The following MAEA variants were observed in gnomAD, a reference collection of about 807,000 sequenced individuals.
MAEA encodes E3 ubiquitin-protein transferase MAEA.
MAEA carries 22 observed loss-of-function variants against 46.2 expected under a neutral mutation model. The ratio of observed to expected loss-of-function variants is 0.48; its 90% CI spans 0.34 to 0.68. The LOEUF is 0.68. Ranked by LOEUF, MAEA falls within the 30% of genes least tolerant of loss-of-function variation. MAEA has a pLI of 0.01. For missense variants in MAEA, 393 were observed against 558.1 expected (o/e 0.70, Z 2.98); for synonymous variants, 246 against 222.6 (o/e 1.11, Z -0.94).
chr4:1,332,732 A>T, intron 5 of MAEA, 25 bp from the exon 6 acceptor site: 1 of 1,585,700 alleles, frequency 6.3e-7, no homozygotes, highest in East Asian at 2.2e-5. Context: ...CGCAAACTTA[A>T]ATGTGCCAAA....
chr4:1,312,206 C>T (rs1736592126), intron 2 of MAEA, 45 bp downstream of exon 2: 2 of 1,607,002 alleles, frequency 1.2e-6, no homozygotes, highest in Non-Finnish European at 1.7e-6. Context: ...GGCATGGACA[C>T]CCCTTTTGTC....
intron 3 of MAEA, among the ~76,000 whole-genome samples, chr4:1,318,523 G>C (rs922360142): frequency 6.6e-6 from 1 of 152,230 alleles, no homozygotes; most frequent in African/African-American, 2.4e-5. Context: ...AGAGGGCCTG[G>C]AGCTGCTGTG....
intron 1 of MAEA, among the ~76,000 whole-genome samples, chr4:1,294,551 A>AG (rs140392870): frequency 0.089 from 13,512 of 151,892 alleles, 1,272 homozygotes; most frequent in East Asian, 0.42. Flanking sequence ...CGGGCTGCAG[A>AG]GCAGGGCTGC....
At chr4:1,321,677 C>T (rs558629501) in intron 3 of MAEA, among the ~76,000 whole-genome samples, 2 of 152,182 alleles carry the variant, frequency 1.3e-5, no homozygotes, top group South Asian at 2.1e-4. Context: ...TGGGGAAGGT[C>T]GGGAGTCATT....
intron 1 of MAEA, among the ~76,000 whole-genome samples, chr4:1,307,220 A>G (rs1320631609): frequency 1.3e-5 from 2 of 152,216 alleles, no homozygotes; most frequent in Non-Finnish European, 2.9e-5. Context: ...TAGCGTAGAC[A>G]CCGTTCCGTA....
intron 3 of MAEA, among the ~76,000 whole-genome samples, chr4:1,318,194 A>G (rs913475292): frequency 2.6e-5 from 4 of 152,030 alleles, no homozygotes; most frequent in African/African-American, 9.7e-5. Context: ...TTCATAGATG[A>G]CCTAGCCATC....
chr4:1,333,341 CAAAAA>C, intron 6 of MAEA, among the ~76,000 whole-genome samples: 1 of 133,668 alleles, frequency 7.5e-6, no homozygotes, highest in Admixed American at 7.5e-5. Flanking sequence ...ACCTTGTCTC[CAAAAA>C]AAAAAAAAGC....
rs139294232 is a variant in MAEA at position 1,315,399 on chromosome 4, G to A, written c.255G>A (p.Ala85=). Residue 85 remains alanine (A), a splice_region_variant and synonymous_variant, in exon 3 of 9, where the codon GCG becomes GCA. Coordinates refer to ENST00000303400, the MANE Select transcript of MAEA (RefSeq NM_001017405.3). ...VEKLSVLKRK[A]VESIQAEDES... is the part of the protein sequence containing the mutation. ...TGCCTCTGTTGTGTGTGGCTCAGGC[G>A]GTGGAATCCATCCAGGCCGAGGACG... The A allele has an allele frequency of 2.4e-3, 3,821 of 1,613,796 alleles. 8 individuals carry two copies. Among genetic ancestry groups the A allele is most frequent in the Middle Eastern group, 6.9e-3 (42 of 6,062 alleles).
chr4:1,325,043 C>G (rs1032154962), intron 4 of MAEA, among the ~76,000 whole-genome samples: 2 of 152,132 alleles, frequency 1.3e-5, no homozygotes, highest in Admixed American at 6.5e-5. Context: ...CGAAAACATG[C>G]CCGGTACGAG....
intron 1 of MAEA, among the ~76,000 whole-genome samples, chr4:1,290,244 G>C (rs1357318403): frequency 6.6e-6 from 1 of 152,114 alleles, no homozygotes; most frequent in Non-Finnish European, 1.5e-5. Context: ...GACGACTCTG[G>C]CAGCGCTAAG....
chr4:1,325,286 A>G (rs923784282), intron 4 of MAEA, among the ~76,000 whole-genome samples: 1 of 152,218 alleles, frequency 6.6e-6, no homozygotes, highest in African/African-American at 2.4e-5. Context: ...CCCCTGAAGC[A>G]GTGATTTGTT....
chr4:1,329,780 G>A, intron 5 of MAEA: 1 of 985,588 alleles, frequency 1.0e-6, no homozygotes, highest in Non-Finnish European at 1.2e-6. Flanking sequence ...AGAGGGTGTT[G>A]TGTATCACTC....
At position 1,318,591 on chromosome 4, in the gene MAEA, T is replaced by C. The variant is rs190363837; in HGVS notation, c.456+2991T>C. 3.8e-3 allele frequency among the ~76,000 whole-genome samples: 582 copies of C among 152,194 alleles called. 3 individuals carry two copies. Among genetic ancestry groups the C allele is most frequent in the African/African-American group, 0.013 (547 of 41,510 alleles). On this transcript the variant is annotated intron_variant, in intron 3 of 8. Transcript: ENST00000303400. ...ACTGGGTTGCGGGGGAGGGGTTCTT[T>C]CTGCTGAGATGCTCCGGAGGGCGTT...
chr4:1,303,345 T>C (rs1362001081), intron 1 of MAEA, among the ~76,000 whole-genome samples: 1 of 135,128 alleles, frequency 7.4e-6, no homozygotes, highest in Admixed American at 8.5e-5. Context: ...GAGGTTACAG[T>C]GAGCTGAGAT....
chr4:1,329,232 T>C (rs1371845660), intron 5 of MAEA: 2 of 985,620 alleles, frequency 2.0e-6, no homozygotes, highest in Non-Finnish European at 2.4e-6. Context: ...TATTTGCCTG[T>C]GTTACCCTGG....
chr4:1,313,228 C>T (rs1351089345), intron 2 of MAEA, among the ~76,000 whole-genome samples: 1 of 152,230 alleles, frequency 6.6e-6, no homozygotes, highest in Non-Finnish European at 1.5e-5. Flanking sequence ...CAGATTCTTT[C>T]TTGGGGAGGA....
intron 4 of MAEA, among the ~76,000 whole-genome samples, chr4:1,324,900 A>G (rs1738605272): frequency 1.3e-5 from 2 of 149,320 alleles, no homozygotes; most frequent in African/African-American, 2.5e-5. Context: ...TTGAGATTGG[A>G]TGAGCGTGCC....
At chr4:1,322,272 C>A in intron 3 of MAEA, 109 bp from the exon 4 acceptor site, 1 of 1,467,916 alleles carries the variant, frequency 6.8e-7, no homozygotes, top group Non-Finnish European at 9.3e-7. Flanking sequence ...AGATGCATCT[C>A]GAGTGGTGGC....
rs578062435 is a variant in MAEA at position 1,312,686 on chromosome 4, TC to T, written c.252+528del. 39 of 159,048 alleles carry T rather than the reference TC, an allele frequency of 2.5e-4. No individual in the cohort carries two copies. In the South Asian group the frequency reaches 6.5e-3, roughly 27 times the overall value. 9.9% of individuals were successfully genotyped at this position (159,048 alleles called of 1,614,324 possible). A position where few individuals can be genotyped will look rare whatever the true frequency, so the allele number is the denominator to read the frequency against. Reference sequence around the variant, plus strand: ...CTCAGGTGATTCACCTGCCTTGGCCTCCCAAAGCTGAAATTACAGGTGTAAG... The same window carrying T: ...CTCAGGTGATTCACCTGCCTTGGCCTCCAAAGCTGAAATTACAGGTGTAAG... On this transcript the variant is annotated intron_variant, in intron 2 of 8. Transcript: ENST00000303400.
Sources: allele counts gnomAD v4.1 joint callset (sites outside exome capture counted in the v4.1 genomes callset), GRCh38; gene constraint gnomAD v4.1.1; transcripts MANE v1.5; gene names NCBI Gene and HGNC (gene_info 2026-07-23, HGNC 2026-07-21).